LAMA1: variants seen among roughly 807,000 people sequenced by gnomAD.
LAMA1 encodes laminin subunit alpha 1, also known as laminin subunit alpha-1.
LAMA1 carries 219 observed loss-of-function variants against 348.7 expected under a neutral mutation model. The observed-to-expected ratio is 0.63, with a 90% CI of 0.56 to 0.70. LAMA1 has a LOEUF of 0.70. Ranked by LOEUF, LAMA1 falls within the 30% of genes least tolerant of loss-of-function variation. The probability of loss-of-function intolerance (pLI) is 0.00; values close to 1 mark genes in which losing one functional copy is unlikely to be tolerated. For synonymous variants in LAMA1, 1,487 were observed against 1,491.0 expected, an observed-to-expected ratio of 1.00 and a Z score of 0.06; for missense variants, 3,744 against 3,888.0, an observed-to-expected ratio of 0.96 and a Z score of 0.99.
intron 37 of LAMA1, 43 bp from the exon 38 acceptor site, chr18:6,985,686 C>T (rs747628266): frequency 9.2e-6 from 12 of 1,307,500 alleles, no homozygotes; most frequent in Non-Finnish European, 1.3e-5. Context: ...ATAAAAGCAA[C>T]CCTGCTTCTG....
At chr18:6,963,132 T>C (rs568326973) in intron 51 of LAMA1, among the ~76,000 whole-genome samples, 5 of 152,284 alleles carry the variant, frequency 3.3e-5, no homozygotes, top group African/African-American at 9.6e-5. Context: ...TGGACAAATT[T>C]CAGCCTTTCT....
At chr18:7,034,727 T>C (rs747525283) in intron 13 of LAMA1, 37 bp from the exon 14 acceptor site, 1 of 1,557,496 alleles carries the variant, frequency 6.4e-7, no homozygotes, top group Non-Finnish European at 8.8e-7. Context: ...TATTTGTCAT[T>C]CAATTTAATG....
chr18:6,981,415 T>C (rs958119788), intron 41 of LAMA1, among the ~76,000 whole-genome samples: 1 of 152,194 alleles, frequency 6.6e-6, no homozygotes, highest in Non-Finnish European at 1.5e-5. Context: ...TATTCCCTTC[T>C]GGCCACCCAA....
chr18:7,112,780 G>T (rs1406353131), intron 1 of LAMA1, among the ~76,000 whole-genome samples: 2 of 151,614 alleles, frequency 1.3e-5, no homozygotes, highest in African/African-American at 4.8e-5. Flanking sequence ...GGGATTACAG[G>T]CCCCACCACC....
chr18:7,113,071 C>T (rs1598326160), intron 1 of LAMA1, among the ~76,000 whole-genome samples: 1 of 152,314 alleles, frequency 6.6e-6, no homozygotes, highest in East Asian at 1.9e-4. Context: ...AGTCCCTGCC[C>T]TTGACAAGGC....
At chr18:7,008,711 T>A (rs1483005008) in intron 27 of LAMA1, 103 bp from the exon 28 acceptor site, 2 of 1,396,316 alleles carry the variant, frequency 1.4e-6, no homozygotes, top group Non-Finnish European at 2.0e-6. Context: ...ACCAGAGCTT[T>A]CTTCCCTGTT....
chr18:6,991,919 T>C (rs1213513515), intron 36 of LAMA1, among the ~76,000 whole-genome samples: 1 of 152,182 alleles, frequency 6.6e-6, no homozygotes, highest in African/African-American at 2.4e-5. Context: ...ACGTCCAGAG[T>C]AGAGTTTTAA....
chr18:7,084,334 G>T (rs2058206436), intron 1 of LAMA1, among the ~76,000 whole-genome samples: 1 of 152,030 alleles, frequency 6.6e-6, no homozygotes, highest in African/African-American at 2.4e-5. Context: ...GTGAGAAGGA[G>T]CATTAGGATC....
rs1436163899 is a variant in LAMA1, at chr18:7,007,285, G to T, written c.4123-9C>A. ...TACCCAGGGGCGCAGTCCTGAGGGG[G>T]TGCAAAAGGGAGGACAAAAAAGTCT... On this transcript the variant is annotated splice_polypyrimidine_tract_variant and intron_variant, in intron 28 of 62. Coordinates refer to ENST00000389658, the MANE Select transcript of LAMA1 (RefSeq NM_005559.4). The T allele has an allele frequency of 4.3e-6, 7 of 1,612,068 alleles. No homozygotes were observed. In the South Asian group the frequency reaches 4.4e-5, roughly 10 times the overall value.
At position 7,049,156 on chromosome 18, in the gene LAMA1, G is replaced by A. The variant is rs1230932344; in HGVS notation, c.690C>T (p.Arg230=). 2 of 1,614,050 alleles carry A rather than the reference G, an allele frequency of 1.2e-6. No homozygotes were observed. The highest frequency in any genetic ancestry group is 1.7e-6 in the Non-Finnish European group (2 of 1,180,020). ...TGAGATCTGCATTGAGCGTTCTAAT[G>A]CGTTGCAAGCGAAGGCGAATATATC... The part of the protein sequence containing the change: ...SARYIRLRLQ[R]IRTLNADLMT... The change falls in exon 5 of 63, where the codon CGC becomes CGT. Residue 230 remains arginine, a synonymous_variant. Coordinates refer to ENST00000389658, the MANE Select transcript of LAMA1 (RefSeq NM_005559.4).
rs571303716 is a variant in LAMA1 at position 7,098,525 on chromosome 18, C to T, written c.62-18068G>A. ...CGCCCCGTCTGGGATGTGAGGAGCA[C>T]CTCTGCCCGGCTGCGACCCCGTCTG... On this transcript the variant is annotated intron_variant, in intron 1 of 62. Transcript: ENST00000389658. Among the ~76,000 whole-genome samples the T allele has an allele frequency of 3.1e-3, 465 of 151,244 alleles. 3 individuals are homozygous for T. The highest frequency in any genetic ancestry group is 0.023 in the South Asian group (108 of 4,774).
rs2058188685 is a variant in LAMA1 at position 7,080,421 on chromosome 18, G to C, written c.98C>G (p.Ala33Gly). 2 of 1,614,134 alleles carry C rather than the reference G, an allele frequency of 1.2e-6. No individual in the cohort carries two copies. The highest frequency in any genetic ancestry group is 1.7e-6 in the Non-Finnish European group (2 of 1,180,058). Residue 33 changes from alanine to glycine, a missense_variant, in exon 2 of 63, where the codon GCT becomes GGT. Around this residue, in one of 3 missense-constraint regions of LAMA1, gnomAD observed 1,529 missense variants for 1,689.4 expected, o/e 0.91. Coordinates refer to ENST00000389658, the MANE Select transcript of LAMA1 (RefSeq NM_005559.4). ...FPAILNLASN[A>G]HISTNATCGE... ...ACAGGTGGCATTGGTGCTGATGTGA[G>C]CATTGCTGGCAAGATTGAGAATGGC...
intron 7 of LAMA1, among the ~76,000 whole-genome samples, chr18:7,044,162 C>CAAAA (rs60402984): frequency 2.7e-4 from 11 of 40,196 alleles, no homozygotes; most frequent in African/African-American, 4.0e-4. Flanking sequence ...GACTCCATCT[C>CAAAA]AAAAAAAAAA....
At chr18:7,084,813 C>T (rs567749655) in intron 1 of LAMA1, among the ~76,000 whole-genome samples, 1 of 152,304 alleles carries the variant, frequency 6.6e-6, no homozygotes, top group Non-Finnish European at 1.5e-5. Context: ...AGCTGAGACA[C>T]TTCCAGATAG....
At position 6,956,018 on chromosome 18, in the gene LAMA1, T is replaced by C. The variant is rs139398822; in HGVS notation, c.8095-553A>G. ...GGCTGTCCTAAGAGTGCCCAAGTCA[T>C]GGGGGTCCCAGATGCTGTTTTCTGC... On this transcript the variant is annotated intron_variant, in intron 56 of 62. Coordinates refer to ENST00000389658, the MANE Select transcript of LAMA1 (RefSeq NM_005559.4). The C allele has an allele frequency of 4.2e-3, 1,250 of 298,182 alleles. 16 individuals are homozygous for C. Among genetic ancestry groups the C allele is most frequent in the African/African-American group, 0.025 (1,145 of 45,678 alleles). 18.5% of individuals were successfully genotyped at this position (298,182 alleles called of 1,614,324 possible). A position where few individuals can be genotyped will look rare whatever the true frequency, so the allele number is the denominator to read the frequency against.
At chr18:6,991,359 TTC>T (rs2057757630) in intron 36 of LAMA1, among the ~76,000 whole-genome samples, 1 of 151,624 alleles carries the variant, frequency 6.6e-6, no homozygotes, top group Non-Finnish European at 1.5e-5. Flanking sequence ...AAAACACAAA[TTC>T]TTTGACTAAA....
rs115982988 is a variant in LAMA1 at position 6,959,220 on chromosome 18, T to A, written c.7778+121A>T. ...AAAGAATCCTAGCAAGGTTCTAGAA[T>A]CGTCTGGATGCCGATGACCCCAGTC... is the stretch of plus-strand genomic sequence containing the variant. On this transcript the variant is annotated intron_variant, in intron 54 of 62. Coordinates refer to ENST00000389658, the MANE Select transcript of LAMA1 (RefSeq NM_005559.4). The A allele has an allele frequency of 1.6e-3, 2,023 of 1,242,926 alleles. 24 individuals are homozygous for A. In the African/African-American group the frequency reaches 0.026, roughly 16 times the overall value. The allele number at this position is 1,242,926 out of a possible 1,614,324, so 77.0% of individuals were successfully genotyped here.
Position 6,993,632 on chromosome 18 carries a change from C to T in LAMA1, c.5008+9G>A, listed in dbSNP as rs956835728. 6.3e-7 allele frequency: 1 copy of T among 1,580,568 alleles called. No homozygotes were observed. The highest frequency in any genetic ancestry group is 1.3e-5 in the African/African-American group (1 of 74,494). ...ACAGATACTTCAAACTAGACACTGC[C>T]CACACTACCTGTGATGCTCATCTGC... On this transcript the variant is annotated intron_variant, in intron 35 of 62. Transcript: ENST00000389658.
At chr18:6,978,035 C>T (rs1017140170) in intron 43 of LAMA1, among the ~76,000 whole-genome samples, 154 bp from the exon 44 acceptor site, 2 of 152,254 alleles carry the variant, frequency 1.3e-5, no homozygotes, top group African/African-American at 4.8e-5. Context: ...GCACAAGTAG[C>T]ATGCATTTCC....
Sources: allele counts gnomAD v4.1 joint callset (sites outside exome capture counted in the v4.1 genomes callset), GRCh38; gene constraint gnomAD v4.1.1; regional missense constraint gnomAD v4.1.1; transcripts MANE v1.5; gene names NCBI Gene and HGNC (gene_info 2026-07-23, HGNC 2026-07-21).